Variants in TRPS1 observed in about 807,000 individuals in gnomAD.
TRPS1 encodes the protein zinc finger transcription factor Trps1.
TRPS1 carries 6 observed loss-of-function variants against 101.2 expected under a neutral mutation model. That is an observed-to-expected ratio of 0.06 (90% CI 0.03 to 0.12). The LOEUF (loss-of-function observed/expected upper bound fraction) is 0.12. Among genes scored for constraint, TRPS1 ranks in the 10% least tolerant of loss-of-function variants. TRPS1 has a pLI of 1.00. For synonymous variants in TRPS1, 578 were observed against 589.8 expected (o/e 0.98, Z 0.29); for missense variants, 1,363 against 1,567.0 (o/e 0.87, Z 2.20).
chr8:115,535,328 A>T (rs964545072), intron 5 of TRPS1, among the ~76,000 whole-genome samples: 8 of 147,838 alleles, frequency 5.4e-5, no homozygotes, highest in African/African-American at 1.7e-4. Flanking sequence ...TATATAGAGC[A>T]TATATAGCGC....
chr8:115,555,873 A>C (rs866451738), intron 5 of TRPS1, among the ~76,000 whole-genome samples: 5,668 of 151,640 alleles, frequency 0.037, 327 homozygotes, highest in African/African-American at 0.13. Flanking sequence ...ACAAACAAAA[A>C]AAAAAGCCAG....
At chr8:115,582,618 C>T (rs1763204609) in intron 5 of TRPS1, among the ~76,000 whole-genome samples, 1 of 152,144 alleles carries the variant, frequency 6.6e-6, no homozygotes, top group East Asian at 1.9e-4. Context: ...TGATCCTCTC[C>T]AAGCGACAGA....
intron 1 of TRPS1, among the ~76,000 whole-genome samples, chr8:115,642,544 C>T (rs962605329): frequency 1.3e-5 from 2 of 152,018 alleles, no homozygotes; most frequent in Admixed American, 6.5e-5. Context: ...ACTCCATAAG[C>T]CTCCAATTAT....
chr8:115,591,161 T>C (rs1376479046), intron 4 of TRPS1, among the ~76,000 whole-genome samples: 1 of 152,200 alleles, frequency 6.6e-6, no homozygotes, highest in African/African-American at 2.4e-5. Context: ...AGAGCCAGTA[T>C]CTTCAAATTC....
chr8:115,437,149 T>G (rs542430938), intron 5 of TRPS1, among the ~76,000 whole-genome samples: 31 of 152,298 alleles, frequency 2.0e-4, no homozygotes, highest in African/African-American at 7.5e-4. Flanking sequence ...GTAACTGTTT[T>G]GACAAAATCA....
At position 115,604,571 on chromosome 8, in the gene TRPS1, T is replaced by C. The variant is rs746932923; in HGVS notation, c.1398A>G (p.Glu466=). 1.9e-6 allele frequency: 3 copies of C among 1,614,048 alleles called. No homozygotes were observed. The highest frequency in any genetic ancestry group is 1.7e-6 in the Non-Finnish European group (2 of 1,179,976). The part of the protein sequence containing the change: ...CESSSSLKLL[E]HYGKQHGAVQ... ...CTGCTCCGTGCTGCTTGCCATAATG[T>C]TCTAGCAGTTTAAGTGAGCTAGATG... The change falls in exon 4 of 7, where the codon GAA becomes GAG. Residue 466 remains glutamate (E), a synonymous_variant. Coordinates refer to ENST00000395715, the MANE Select transcript of TRPS1 (RefSeq NM_014112.5). This position sits in a 1 kb window ranked among gnomAD's most constrained non-coding sequence, Gnocchi z 4.1.
intron 5 of TRPS1, chr8:115,515,159 G>A: frequency 1.5e-6 from 1 of 681,662 alleles, no homozygotes; most frequent in South Asian, 1.5e-5. Context: ...CATATTCAAT[G>A]TCCAAATTCT....
chr8:115,627,550 T>TCTG (rs1818538023), intron 1 of TRPS1, among the ~76,000 whole-genome samples: 1 of 151,844 alleles, frequency 6.6e-6, no homozygotes, highest in Non-Finnish European at 1.5e-5. Flanking sequence ...TCTTGATGGT[T>TCTG]ATGATGTGAA....
At chr8:115,473,137 A>G (rs1251849436) in intron 5 of TRPS1, among the ~76,000 whole-genome samples, 1 of 152,160 alleles carries the variant, frequency 6.6e-6, no homozygotes, top group Non-Finnish European at 1.5e-5. Flanking sequence ...TTACTGTATT[A>G]GTCCATTCTC....
At chr8:115,655,069 TA>T (rs1330149073) in intron 1 of TRPS1, among the ~76,000 whole-genome samples, 3 of 152,200 alleles carry the variant, frequency 2.0e-5, no homozygotes, top group African/African-American at 7.2e-5. Flanking sequence ...TTCAGTCCTT[TA>T]ACCAAGTAGG....
chr8:115,505,926 G>C (rs1015435444), intron 5 of TRPS1, among the ~76,000 whole-genome samples: 2 of 126,068 alleles, frequency 1.6e-5, no homozygotes, highest in African/African-American at 3.0e-5. Flanking sequence ...TCCTAATTTG[G>C]AAAGTTGTAT....
chr8:115,542,149 G>A (rs780402583), intron 5 of TRPS1, among the ~76,000 whole-genome samples: 2 of 152,140 alleles, frequency 1.3e-5, no homozygotes, highest in Non-Finnish European at 2.9e-5. Context: ...TATTTGCAGT[G>A]TTGGCAATTT....
Position 115,441,896 on chromosome 8 carries a change from A to AGTGTGTGT in TRPS1, c.2701-23445_2701-23444insACACACAC, listed in dbSNP as rs1459432091. Among the ~76,000 whole-genome samples, 513 of 133,160 alleles carry AGTGTGTGT rather than the reference A, an allele frequency of 3.9e-3. 1 individual carries two copies. Among genetic ancestry groups the AGTGTGTGT allele is most frequent in the Admixed American group, 5.0e-3 (67 of 13,480 alleles). 87.4% of individuals were successfully genotyped at this position (133,160 alleles called of 152,430 possible). A position where few individuals can be genotyped will look rare whatever the true frequency, so the allele number is the denominator to read the frequency against. On this transcript the variant is annotated intron_variant, in intron 5 of 6. Transcript: ENST00000395715. The stretch of plus-strand genomic sequence containing the variant: ...GAGAGAGAGAGAGAGAGAGAGAGAG[A>AGTGTGTGT]GAGTGTGTGTGTGTGTGTGTGTGTG...
At chr8:115,533,299 G>A (rs76482929) in intron 5 of TRPS1, among the ~76,000 whole-genome samples, 6,674 of 152,086 alleles carry the variant, frequency 0.044, 530 homozygotes, top group African/African-American at 0.15. Context: ...AGGTCAGTAG[G>A]AAAACTAGTT....
chr8:115,464,923 A>G (rs1405249039), intron 5 of TRPS1, among the ~76,000 whole-genome samples: 3 of 152,252 alleles, frequency 2.0e-5, no homozygotes, highest in Middle Eastern at 6.8e-3. Context: ...AACATTTAAC[A>G]TATAGATTTA....
At chr8:115,527,890 G>T (rs1000857309) in intron 5 of TRPS1, among the ~76,000 whole-genome samples, 2 of 152,000 alleles carry the variant, frequency 1.3e-5, no homozygotes, top group Non-Finnish European at 2.9e-5. Context: ...TCTGAGTAAG[G>T]TACCCCAAAT....
intron 5 of TRPS1, among the ~76,000 whole-genome samples, chr8:115,423,718 G>C (rs994717450): frequency 6.6e-6 from 1 of 152,140 alleles, no homozygotes; most frequent in African/African-American, 2.4e-5. Context: ...TCCAATTTAA[G>C]TTTTGCTTTT....
chr8:115,493,353 A>G (rs1004440963), intron 5 of TRPS1, among the ~76,000 whole-genome samples: 1 of 152,082 alleles, frequency 6.6e-6, no homozygotes, highest in Non-Finnish European at 1.5e-5. Context: ...TTTCTATTCT[A>G]TGAAGCATTT....
chr8:115,639,919 A>G (rs1818856829), intron 1 of TRPS1, among the ~76,000 whole-genome samples: 1 of 152,200 alleles, frequency 6.6e-6, no homozygotes, highest in South Asian at 2.1e-4. Flanking sequence ...CCCTTGATAT[A>G]AGACTAATGT....
Sources: gnomAD v4.1 joint callset for allele counts (sites outside exome capture counted in the v4.1 genomes callset) on GRCh38, gnomAD v4.1.1 for gene constraint, Gnocchi (gnomAD v3.1) non-coding constraint, MANE v1.5 for transcripts, NCBI Gene and HGNC (gene_info 2026-07-23, HGNC 2026-07-21) for gene names.